SLC35F1: variants seen among roughly 807,000 people sequenced by gnomAD.
The protein encoded by SLC35F1 is solute carrier family 35 member F1.
SLC35F1 carries 14 observed loss-of-function variants against 48.7 expected under a neutral mutation model. The observed-to-expected ratio is 0.29, with a 90% CI of 0.19 to 0.45. The LOEUF (loss-of-function observed/expected upper bound fraction) is 0.45, where lower values mean the gene tolerates loss of function less well. Ranked by LOEUF, SLC35F1 falls within the 20% of genes least tolerant of loss-of-function variation. The probability of loss-of-function intolerance (pLI) is 1.00; values close to 1 mark genes in which losing one functional copy is unlikely to be tolerated. For missense variants in SLC35F1, 404 were observed against 500.0 expected (o/e 0.81, Z 1.83); for synonymous variants, 190 against 202.2 (o/e 0.94, Z 0.51).
intron 1 of SLC35F1, among the ~76,000 whole-genome samples, chr6:118,027,062 T>TA (rs1370735709): frequency 6.6e-6 from 1 of 152,234 alleles, no homozygotes; most frequent in Non-Finnish European, 1.5e-5. Context: ...ATAAACTATG[T>TA]AGCCATTTGT....
At chr6:118,140,886 AT>A in intron 1 of SLC35F1, among the ~76,000 whole-genome samples, 1 of 77,424 alleles carries the variant, frequency 1.3e-5, no homozygotes, top group South Asian at 3.8e-4. Flanking sequence ...GAATAAGTAT[AT>A]AAAGAAAATA....
intron 1 of SLC35F1, among the ~76,000 whole-genome samples, chr6:117,917,375 T>C (rs1200200030): frequency 2.0e-5 from 3 of 151,750 alleles, no homozygotes; most frequent in African/African-American, 7.3e-5. Flanking sequence ...AAAAGACCAC[T>C]CTGGCTGCTG....
chr6:117,924,576 T>C (rs1776004448), intron 1 of SLC35F1, among the ~76,000 whole-genome samples: 1 of 140,758 alleles, frequency 7.1e-6, no homozygotes, highest in Non-Finnish European at 1.6e-5. Context: ...ATTTAAAGTT[T>C]CTGTTAACCT....
chr6:118,000,946 A>T (rs1323285443), intron 1 of SLC35F1, among the ~76,000 whole-genome samples: 1 of 152,094 alleles, frequency 6.6e-6, no homozygotes, highest in Non-Finnish European at 1.5e-5. Context: ...AATGAAATAA[A>T]AGAGGATACA....
chr6:117,922,542 T>C (rs368007787), intron 1 of SLC35F1, among the ~76,000 whole-genome samples: 4 of 152,322 alleles, frequency 2.6e-5, no homozygotes, highest in African/African-American at 9.6e-5. Flanking sequence ...ACAAGTGCAA[T>C]TTTGCTACAT....
chr6:118,100,763 TCA>T (rs1262150060), intron 1 of SLC35F1, among the ~76,000 whole-genome samples: 2 of 152,166 alleles, frequency 1.3e-5, no homozygotes, highest in African/African-American at 4.8e-5. Context: ...GGCAATGAAC[TCA>T]CTCTCCAGCC....
At chr6:118,290,101 G>C (rs1776102302) in intron 7 of SLC35F1, among the ~76,000 whole-genome samples, 1 of 152,050 alleles carries the variant, frequency 6.6e-6, no homozygotes, top group Non-Finnish European at 1.5e-5. Flanking sequence ...GAGAACCACT[G>C]ATTTAACAAC....
chr6:118,158,939 G>A (rs1246831890), intron 2 of SLC35F1, among the ~76,000 whole-genome samples: 1 of 152,044 alleles, frequency 6.6e-6, no homozygotes, highest in African/African-American at 2.4e-5. Flanking sequence ...AAAAATGCTC[G>A]GCTGGGCGTG....
chr6:118,252,761 A>G (rs994029781), intron 3 of SLC35F1, among the ~76,000 whole-genome samples: 1 of 152,210 alleles, frequency 6.6e-6, no homozygotes, highest in Non-Finnish European at 1.5e-5. Context: ...AGGGGAAAGC[A>G]GGCTGAGGAG....
chr6:117,987,572 G>C (rs17222869), intron 1 of SLC35F1, among the ~76,000 whole-genome samples: 8,770 of 152,068 alleles, frequency 0.058, 355 homozygotes, highest in Middle Eastern at 0.1. Context: ...TTTTGAATTT[G>C]AGCTTGTTCC....
intron 1 of SLC35F1, among the ~76,000 whole-genome samples, chr6:117,939,657 C>T (rs76497551): frequency 0.022 from 3,304 of 152,110 alleles, 47 homozygotes; most frequent in Non-Finnish European, 0.033. Flanking sequence ...GGAATAAACC[C>T]GGAAATATAA....
chr6:118,094,960 T>C (rs1773128741), intron 1 of SLC35F1, among the ~76,000 whole-genome samples: 1 of 132,780 alleles, frequency 7.5e-6, no homozygotes, highest in Non-Finnish European at 1.7e-5. Context: ...AGAGCGAGAC[T>C]CCGTCTAAAA....
chr6:118,001,724 A>G (rs186888842), intron 1 of SLC35F1, among the ~76,000 whole-genome samples: 566 of 152,340 alleles, frequency 3.7e-3, no homozygotes, highest in Non-Finnish European at 5.5e-3. Context: ...TAATATCCAG[A>G]ATGTACAATG....
chr6:118,265,333 C>T (rs1775758593), intron 3 of SLC35F1, among the ~76,000 whole-genome samples: 1 of 152,164 alleles, frequency 6.6e-6, no homozygotes, highest in Admixed American at 6.6e-5. Context: ...TTCAATAACT[C>T]TTATTGAATA....
chr6:118,191,584 T>A (rs1479594000), intron 2 of SLC35F1, among the ~76,000 whole-genome samples: 2 of 152,080 alleles, frequency 1.3e-5, no homozygotes, highest in African/African-American at 4.8e-5. Context: ...GGTTCCAAAG[T>A]TTGTGTTGCA....
At chr6:118,201,206 C>T (rs946881648) in intron 2 of SLC35F1, among the ~76,000 whole-genome samples, 8 of 152,184 alleles carry the variant, frequency 5.3e-5, no homozygotes, top group African/African-American at 1.9e-4. Flanking sequence ...AAAAGATTCT[C>T]TGTGCCAAAT....
chr6:118,101,391 G>A (rs1414565404), intron 1 of SLC35F1, among the ~76,000 whole-genome samples: 1 of 152,212 alleles, frequency 6.6e-6, no homozygotes, highest in Non-Finnish European at 1.5e-5. Flanking sequence ...ACTCTGCCTT[G>A]TGAAGCTTTT....
intron 1 of SLC35F1, among the ~76,000 whole-genome samples, chr6:118,144,754 A>G (rs896218601): frequency 2.6e-5 from 4 of 152,110 alleles, no homozygotes; most frequent in African/African-American, 4.8e-5. Context: ...TATTTATTTT[A>G]TATGTGGAAA....
chr6:118,069,204 A>G (rs1772663234), intron 1 of SLC35F1, among the ~76,000 whole-genome samples: 2 of 152,214 alleles, frequency 1.3e-5, no homozygotes. Flanking sequence ...TTTGTATAAT[A>G]TACAACTATT....
Sources: gnomAD v4.1 joint callset for allele counts (sites outside exome capture counted in the v4.1 genomes callset) on GRCh38, gnomAD v4.1.1 for gene constraint, MANE v1.5 for transcripts, NCBI Gene and HGNC (gene_info 2026-07-23, HGNC 2026-07-21) for gene names.